DLG2: variants seen among roughly 807,000 people sequenced by gnomAD.
DLG2 encodes the protein discs large MAGUK scaffold protein 2, also known as disks large homolog 2.
In DLG2, 45 loss-of-function variants were observed where a neutral mutation model predicts 132.5. That is an observed-to-expected ratio of 0.34 (90% CI 0.27 to 0.44). The LOEUF is 0.44. DLG2 is among the 20% of genes least tolerant of loss of function. DLG2 has a pLI of 1.00. For synonymous variants in DLG2, 424 were observed against 419.6 expected, an observed-to-expected ratio of 1.01 and a Z score of -0.13; for missense variants, 1,045 against 1,196.9, an observed-to-expected ratio of 0.87 and a Z score of 1.87.
At chr11:84,870,707 T>C (rs2085342072) in intron 6 of DLG2, among the ~76,000 whole-genome samples, 1 of 152,200 alleles carries the variant, frequency 6.6e-6, no homozygotes, top group South Asian at 2.1e-4. Context: ...TATTTACATA[T>C]ACACATACCT....
chr11:83,650,706 C>G (rs532048750), intron 18 of DLG2, among the ~76,000 whole-genome samples: 1 of 152,252 alleles, frequency 6.6e-6, no homozygotes, highest in Non-Finnish European at 1.5e-5. Context: ...CACATCTAGG[C>G]TATTAGCAAA....
intron 6 of DLG2, among the ~76,000 whole-genome samples, chr11:84,967,578 G>T (rs756446583): frequency 3.3e-5 from 5 of 152,108 alleles, no homozygotes; most frequent in African/African-American, 9.7e-5. Context: ...TAGAGAAAAA[G>T]TTGGACCTTT....
chr11:83,842,530 A>G (rs1283775649), intron 16 of DLG2, among the ~76,000 whole-genome samples: 1 of 146,854 alleles, frequency 6.8e-6, no homozygotes, highest in Non-Finnish European at 1.5e-5. Flanking sequence ...TCTCAAAAAA[A>G]AAAAAAAAAA....
intron 15 of DLG2, 127 bp downstream of exon 15, chr11:83,930,201 A>T: frequency 9.2e-7 from 1 of 1,083,610 alleles, no homozygotes; most frequent in Non-Finnish European, 1.3e-6. Flanking sequence ...AGGGAACAGC[A>T]GAACATCTCT....
intron 19 of DLG2, among the ~76,000 whole-genome samples, chr11:83,585,359 C>G (rs1013890978): frequency 6.6e-6 from 1 of 152,166 alleles, no homozygotes; most frequent in Admixed American, 6.5e-5. Context: ...AACCCACAAC[C>G]CTCTCTGCTA....
At chr11:85,529,703 C>A (rs1354451397) in intron 3 of DLG2, among the ~76,000 whole-genome samples, 3 of 152,146 alleles carry the variant, frequency 2.0e-5, no homozygotes, top group African/African-American at 7.2e-5. Flanking sequence ...TCAGATATAA[C>A]TTTGCACATA....
intron 4 of DLG2, among the ~76,000 whole-genome samples, chr11:85,272,264 C>T (rs993370666): frequency 6.6e-6 from 1 of 152,144 alleles, no homozygotes; most frequent in African/African-American, 2.4e-5. Flanking sequence ...GTGAGGCCTC[C>T]CAAGCCATGT....
At chr11:84,997,077 A>T (rs193067647) in intron 6 of DLG2, 54 of 153,208 alleles carry the variant, frequency 3.5e-4, no homozygotes, top group African/African-American at 1.3e-3. Context: ...CGTCATTAAT[A>T]ATCATGGTTT....
chr11:84,706,371 G>A (rs1163917517), intron 6 of DLG2, among the ~76,000 whole-genome samples: 3 of 151,744 alleles, frequency 2.0e-5, no homozygotes, highest in Non-Finnish European at 4.4e-5. Context: ...ATTTCAAACT[G>A]TTCAATAAGT....
At chr11:84,694,751 T>C (rs2058437471) in intron 6 of DLG2, among the ~76,000 whole-genome samples, 1 of 151,620 alleles carries the variant, frequency 6.6e-6, no homozygotes, top group Non-Finnish European at 1.5e-5. Flanking sequence ...CTCTTCTTTT[T>C]CTATTTTTAG....
intron 10 of DLG2, among the ~76,000 whole-genome samples, chr11:84,073,213 CT>C (rs2096781692): frequency 6.6e-6 from 1 of 152,122 alleles, no homozygotes; most frequent in African/African-American, 2.4e-5. Flanking sequence ...TTTCCTCATC[CT>C]TTCCAGTGAC....
chr11:84,244,033 A>G (rs2097269240), intron 8 of DLG2, among the ~76,000 whole-genome samples: 1 of 152,248 alleles, frequency 6.6e-6, no homozygotes, highest in Non-Finnish European at 1.5e-5. Context: ...TTTACAACCC[A>G]GTCGTGCATA....
At chr11:83,787,545 T>C (rs2040358676) in intron 17 of DLG2, among the ~76,000 whole-genome samples, 1 of 151,830 alleles carries the variant, frequency 6.6e-6, no homozygotes, top group Admixed American at 6.6e-5. Context: ...ATGGTCTCGA[T>C]CTCCTGACCT....
At chr11:83,906,693 C>A (rs1368333234) in intron 15 of DLG2, among the ~76,000 whole-genome samples, 2 of 152,112 alleles carry the variant, frequency 1.3e-5, no homozygotes, top group African/African-American at 4.8e-5. Flanking sequence ...CCACTTTACA[C>A]ATGAATCTCA....
intron 6 of DLG2, among the ~76,000 whole-genome samples, chr11:84,901,651 T>C (rs527597569): frequency 1.3e-5 from 2 of 152,276 alleles, no homozygotes; most frequent in East Asian, 1.9e-4. Flanking sequence ...TACTCCCTTA[T>C]ATTAATAATG....
At chr11:85,348,106 C>T (rs907557254) in intron 3 of DLG2, among the ~76,000 whole-genome samples, 3 of 150,518 alleles carry the variant, frequency 2.0e-5, no homozygotes, top group African/African-American at 7.4e-5. Flanking sequence ...CTGCCTCAGC[C>T]TCTCAAATAG....
chr11:84,615,179 A>G (rs2099601789), intron 6 of DLG2, among the ~76,000 whole-genome samples: 1 of 152,160 alleles, frequency 6.6e-6, no homozygotes, highest in African/African-American at 2.4e-5. Flanking sequence ...ATTCTGGGGT[A>G]GAGGAACCAA....
At chr11:85,053,388 T>A (rs1378631035) in intron 6 of DLG2, among the ~76,000 whole-genome samples, 20 of 152,268 alleles carry the variant, frequency 1.3e-4, no homozygotes, top group African/African-American at 4.8e-4. Context: ...ATACCTTCCC[T>A]GTCTACCACA....
chr11:84,145,421 A>T (rs1287957381), intron 9 of DLG2, among the ~76,000 whole-genome samples: 1 of 152,244 alleles, frequency 6.6e-6, no homozygotes, highest in East Asian at 1.9e-4. Flanking sequence ...TATTATAGAC[A>T]ATTGCAACAC....
Sources: allele counts gnomAD v4.1 joint callset (sites outside exome capture counted in the v4.1 genomes callset), GRCh38; gene constraint gnomAD v4.1.1; transcripts MANE v1.5; gene names NCBI Gene and HGNC (gene_info 2026-07-23, HGNC 2026-07-21).